Variants in EEPD1 observed in about 807,000 individuals in gnomAD.
The protein encoded by EEPD1 is endonuclease/exonuclease/phosphatase family domain-containing protein 1.
A neutral mutation model predicts 46.3 loss-of-function variants in EEPD1; 17 were observed. That is an observed-to-expected ratio of 0.37 (90% CI 0.25 to 0.55). The LOEUF (loss-of-function observed/expected upper bound fraction) is 0.55, where lower values mean the gene tolerates loss of function less well. Ranked by LOEUF, EEPD1 falls within the 20% of genes least tolerant of loss-of-function variation. The probability of loss-of-function intolerance (pLI) is 0.83; values close to 1 mark genes in which losing one functional copy is unlikely to be tolerated. For missense variants in EEPD1, 673 were observed against 745.6 expected, an observed-to-expected ratio of 0.90 and a Z score of 1.13; for synonymous variants, 313 against 315.6, an observed-to-expected ratio of 0.99 and a Z score of 0.09.
chr7:36,258,385 T>C (rs1445759097), intron 3 of EEPD1, among the ~76,000 whole-genome samples: 1 of 152,214 alleles, frequency 6.6e-6, no homozygotes, highest in Non-Finnish European at 1.5e-5. Context: ...TCTTAAGAGC[T>C]GGCAGGCAGG....
At chr7:36,228,427 T>C (rs951951312) in intron 2 of EEPD1, among the ~76,000 whole-genome samples, 1 of 151,904 alleles carries the variant, frequency 6.6e-6, no homozygotes, top group African/African-American at 2.4e-5. Flanking sequence ...CTCAGGAGGC[T>C]GAGGCAAGAG....
chr7:36,165,640 T>C (rs1784971198), intron 2 of EEPD1, among the ~76,000 whole-genome samples: 1 of 135,870 alleles, frequency 7.4e-6, no homozygotes, highest in Non-Finnish European at 1.6e-5. Flanking sequence ...AGGGTTTCCA[T>C]GTTGACCAGG....
At chr7:36,237,332 T>A (rs1414395585) in intron 2 of EEPD1, among the ~76,000 whole-genome samples, 1 of 152,158 alleles carries the variant, frequency 6.6e-6, no homozygotes, top group African/African-American at 2.4e-5. Context: ...TCTGGACACA[T>A]TGTGATGTTG....
At chr7:36,178,994 C>T (rs1785228823) in intron 2 of EEPD1, among the ~76,000 whole-genome samples, 1 of 152,214 alleles carries the variant, frequency 6.6e-6, no homozygotes, top group African/African-American at 2.4e-5. Context: ...ATGGCCTTGG[C>T]ATTTGGCGGG....
At chr7:36,281,250 C>T in intron 4 of EEPD1, 25 bp downstream of exon 4, 1 of 1,599,452 alleles carries the variant, frequency 6.3e-7, no homozygotes, top group African/African-American at 1.3e-5. Context: ...AAAGCCTGGC[C>T]TTTCCCTTCA....
intron 3 of EEPD1, among the ~76,000 whole-genome samples, chr7:36,252,692 C>T (rs1032817261): frequency 6.6e-6 from 1 of 152,154 alleles, no homozygotes; most frequent in African/African-American, 2.4e-5. Flanking sequence ...GCTTCAGCCG[C>T]TGAGAGGAGG....
chr7:36,157,134 G>A (rs1488631614), intron 2 of EEPD1, among the ~76,000 whole-genome samples: 4 of 152,174 alleles, frequency 2.6e-5, no homozygotes, highest in African/African-American at 9.7e-5. Context: ...GATGTGCATA[G>A]GTTATATGTA....
chr7:36,270,108 ATATGTGTGTG>A (rs1451037076), intron 3 of EEPD1, among the ~76,000 whole-genome samples: 1 of 152,128 alleles, frequency 6.6e-6, no homozygotes, highest in African/African-American at 2.4e-5. Flanking sequence ...GTGTGTGTGC[ATATGTGTGTG>A]TATGTGTGTG....
intron 5 of EEPD1, among the ~76,000 whole-genome samples, chr7:36,285,235 C>T (rs1787325589): frequency 6.6e-6 from 1 of 152,210 alleles, no homozygotes; most frequent in Non-Finnish European, 1.5e-5. Flanking sequence ...CTTCCTGGCA[C>T]TGGTTCACAA....
At chr7:36,174,206 C>T (rs1239932817) in intron 2 of EEPD1, among the ~76,000 whole-genome samples, 2 of 152,186 alleles carry the variant, frequency 1.3e-5, no homozygotes, top group South Asian at 2.1e-4. Flanking sequence ...TCCCGATTAC[C>T]CACGCTTACC....
rs60503175 is a variant in EEPD1, at chr7:36,271,720, C to CTTCTAGGGATTTT, written c.931-9395_931-9394insTTCTAGGGATTTT. On this transcript the variant is annotated intron_variant, in intron 3 of 7. Transcript: ENST00000242108. ...TCCTGAATGGTATTGCCTAGGTTTT[C>CTTCTAGGGATTTT]ATGGTTTTAGGTTTTACATTTAAGT... Among the ~76,000 whole-genome samples, 7 of 55,426 alleles carry CTTCTAGGGATTTT rather than the reference C, an allele frequency of 1.3e-4. 3 individuals are homozygous for CTTCTAGGGATTTT. The highest frequency in any genetic ancestry group is 2.0e-4 in the Non-Finnish European group (5 of 25,000). The allele number at this position is 55,426 out of a possible 152,430, so 36.4% of individuals were successfully genotyped here. A position where few individuals can be genotyped will look rare whatever the true frequency, so the allele number is the denominator to read the frequency against.
In EEPD1 at chr7:36,287,728, T is replaced by C; in HGVS notation, c.1266T>C (p.Asp422=). 2 of 1,614,186 alleles carry C rather than the reference T, an allele frequency of 1.2e-6. No homozygotes were observed. Among genetic ancestry groups the C allele is most frequent in the East Asian group, 4.5e-5 (2 of 44,882 alleles). ...GSENPSKNHS[D]GHRLASFAQT... ...AGAATCCCAGCAAGAATCACAGTGA[T>C]GGCCACCGGTTGGCGAGCTTTGCAC... The change falls in exon 6 of 8, where the codon GAT becomes GAC. Residue 422 remains aspartate (D), a synonymous_variant. Transcript: ENST00000242108.
At chr7:36,288,469 G>A (rs1787373493) in intron 6 of EEPD1, among the ~76,000 whole-genome samples, 1 of 152,146 alleles carries the variant, frequency 6.6e-6, no homozygotes, top group African/African-American at 2.4e-5. Flanking sequence ...ACTGAAAAGA[G>A]CAGAATTCTA....
At chr7:36,206,458 T>C (rs1039978096) in intron 2 of EEPD1, among the ~76,000 whole-genome samples, 1 of 152,112 alleles carries the variant, frequency 6.6e-6, no homozygotes, top group Non-Finnish European at 1.5e-5. Flanking sequence ...ACATCTCAAC[T>C]CAGATCTGCC....
intron 3 of EEPD1, among the ~76,000 whole-genome samples, chr7:36,264,199 C>G (rs1786975533): frequency 6.6e-6 from 1 of 152,140 alleles, no homozygotes; most frequent in Non-Finnish European, 1.5e-5. Flanking sequence ...TGTTTCAGTT[C>G]CTCATTTATA....
chr7:36,172,617 G>GTTT (rs70977113), intron 2 of EEPD1, among the ~76,000 whole-genome samples: 13 of 100,084 alleles, frequency 1.3e-4, no homozygotes, highest in African/African-American at 3.9e-4. Context: ...AATATTATGA[G>GTTT]TTTTTTTTTT....
At chr7:36,258,821 C>T (rs196560) in intron 3 of EEPD1, among the ~76,000 whole-genome samples, 6 of 150,248 alleles carry the variant, frequency 4.0e-5, no homozygotes, top group Non-Finnish European at 8.8e-5. Context: ...CTTATTTCCA[C>T]GGGAGTGAAC....
At chr7:36,183,207 G>A (rs182557345) in intron 2 of EEPD1, among the ~76,000 whole-genome samples, 15 of 152,190 alleles carry the variant, frequency 9.9e-5, no homozygotes, top group East Asian at 1.9e-4. Flanking sequence ...TAGACGGCAC[G>A]CATGTATCAT....
chr7:36,287,138 G>A (rs1480330594), intron 5 of EEPD1, among the ~76,000 whole-genome samples: 1 of 149,794 alleles, frequency 6.7e-6, no homozygotes, highest in Non-Finnish European at 1.5e-5. Flanking sequence ...TTGGGAGGCT[G>A]AGGCAGGAGA....
Sources: allele counts gnomAD v4.1 joint callset (sites outside exome capture counted in the v4.1 genomes callset), GRCh38; gene constraint gnomAD v4.1.1; transcripts MANE v1.5; gene names NCBI Gene and HGNC (gene_info 2026-07-23, HGNC 2026-07-21).